STK33: variants seen among roughly 807,000 people sequenced by gnomAD.
STK33 encodes serine/threonine-protein kinase 33.
In STK33, 52 loss-of-function variants were observed where a neutral mutation model predicts 58.0. That is an observed-to-expected ratio of 0.90 (90% CI 0.72 to 1.13). The LOEUF is 1.13. Ranked by LOEUF, STK33 falls within the 50% of genes most tolerant of loss-of-function variation. The probability of loss-of-function intolerance (pLI) is 0.00; values close to 1 mark genes in which losing one functional copy is unlikely to be tolerated. For synonymous variants in STK33, 215 were observed against 200.1 expected, an observed-to-expected ratio of 1.07 and a Z score of -0.63; for missense variants, 630 against 604.2, an observed-to-expected ratio of 1.04 and a Z score of -0.45.
At chr11:8,545,906 T>C (rs1192244079) in intron 1 of STK33, among the ~76,000 whole-genome samples, 1 of 152,212 alleles carries the variant, frequency 6.6e-6, no homozygotes, top group Non-Finnish European at 1.5e-5. Context: ...TAGAGTGCGC[T>C]TACACAAACC....
At chr11:8,350,916 A>T in the STK33 span, among the ~76,000 whole-genome samples, 102 of 152,280 alleles carry the variant, frequency 6.7e-4, no homozygotes, top group African/African-American at 2.3e-3. Flanking sequence ...ACCTTGCTGC[A>T]GAAAACGGTT....
chr11:8,473,335 C>T (rs968039996), intron 5 of STK33, 59 bp from the exon 6 acceptor site: 43 of 1,002,858 alleles, frequency 4.3e-5, no homozygotes, highest in Non-Finnish European at 6.1e-5. Flanking sequence ...TCTTTGTTGA[C>T]AAAGAATCCT....
Position 8,464,822 on chromosome 11 carries a change from C to T in STK33, c.340G>A (p.Glu114Lys). The change falls in exon 7 of 16, where the codon GAA becomes AAA. Residue 114 changes from glutamate to lysine, a missense_variant and splice_region_variant. By Grantham distance (56) the Glu-to-Lys change is moderately conservative. Coordinates refer to ENST00000687296, the MANE Select transcript of STK33 (RefSeq NM_001352389.2). The part of the protein sequence containing the change: ...IRIENGAAIE[E>K]IYTFGRILGK... ...AATATTCTTCCAAAGGTATAGATTT[C>T]CTGGAGAAAAAAAAAAAAAGAGTTG... 6.4e-7 allele frequency: 1 copy of T among 1,572,202 alleles called. No homozygotes were observed. Among genetic ancestry groups the T allele is most frequent in the Non-Finnish European group, 8.7e-7 (1 of 1,154,378 alleles).
the STK33 span, among the ~76,000 whole-genome samples, chr11:8,351,945 G>A: frequency 3.3e-5 from 5 of 152,206 alleles, no homozygotes; most frequent in Non-Finnish European, 7.3e-5. Flanking sequence ...AATCCTCAGC[G>A]GCGCTCACGG....
intron 1 of STK33, among the ~76,000 whole-genome samples, chr11:8,564,537 T>C (rs771363067): frequency 1.4e-4 from 22 of 152,196 alleles, no homozygotes; most frequent in Non-Finnish European, 2.6e-4. Context: ...TCCATTTGCT[T>C]GCCCTTGTAT....
chr11:8,509,046 G>A (rs186785521), intron 1 of STK33, among the ~76,000 whole-genome samples: 2 of 151,380 alleles, frequency 1.3e-5, no homozygotes, highest in Non-Finnish European at 2.9e-5. Flanking sequence ...AGCCCAGGAG[G>A]CGGAGGTTTT....
At chr11:8,353,908 G>T in the STK33 span, among the ~76,000 whole-genome samples, 9 of 152,216 alleles carry the variant, frequency 5.9e-5, no homozygotes, top group Non-Finnish European at 8.8e-5. Context: ...CCCAGGGTGG[G>T]ATGAAGGTCT....
intron 14 of STK33, among the ~76,000 whole-genome samples, chr11:8,422,427 T>C (rs1942057919): frequency 2.0e-5 from 3 of 152,174 alleles, no homozygotes; most frequent in Admixed American, 2.0e-4. Flanking sequence ...TTTGTCACAA[T>C]GTCGTGGTAT....
chr11:8,376,672 G>C, the STK33 span, among the ~76,000 whole-genome samples: 1 of 152,012 alleles, frequency 6.6e-6, no homozygotes, highest in African/African-American at 2.4e-5. Context: ...CTCCTGAGTA[G>C]CTGGGACTAC....
At chr11:8,491,338 G>T (rs1325571336) in intron 1 of STK33, among the ~76,000 whole-genome samples, 1 of 152,162 alleles carries the variant, frequency 6.6e-6, no homozygotes, top group Non-Finnish European at 1.5e-5. Flanking sequence ...GGAAGAAAGG[G>T]TATCAGTGAC....
chr11:8,497,471 T>C (rs1472641050), intron 1 of STK33, among the ~76,000 whole-genome samples: 2 of 152,128 alleles, frequency 1.3e-5, no homozygotes, highest in African/African-American at 4.8e-5. Flanking sequence ...TCAAAGTTCT[T>C]TCTTTTTCTT....
chr11:8,500,366 A>G (rs944862754), intron 1 of STK33, among the ~76,000 whole-genome samples: 1 of 152,086 alleles, frequency 6.6e-6, no homozygotes, highest in Non-Finnish European at 1.5e-5. Flanking sequence ...ACACCAGCTA[A>G]TAAGTGAGTT....
intron 15 of STK33, among the ~76,000 whole-genome samples, chr11:8,397,068 C>A (rs1849485377): frequency 6.6e-6 from 1 of 152,220 alleles, no homozygotes; most frequent in African/African-American, 2.4e-5. Flanking sequence ...GCAGCAGAAT[C>A]CTCTGCAGAC....
At chr11:8,461,556 T>C (rs1409929738) in intron 8 of STK33, among the ~76,000 whole-genome samples, 8 of 152,180 alleles carry the variant, frequency 5.3e-5, no homozygotes, top group Non-Finnish European at 1.2e-4. Flanking sequence ...ATGAAGTTGT[T>C]GTAATTTTAA....
downstream of STK33, among the ~76,000 whole-genome samples, chr11:8,390,943 G>C (rs1309814250): frequency 2.0e-5 from 3 of 152,186 alleles, no homozygotes; most frequent in Non-Finnish European, 4.4e-5. Flanking sequence ...TCATTTTCAA[G>C]CCCAGGGAAT....
At chr11:8,379,877 G>A in the STK33 span, among the ~76,000 whole-genome samples, 3 of 152,154 alleles carry the variant, frequency 2.0e-5, no homozygotes, top group Non-Finnish European at 2.9e-5. Flanking sequence ...AGGACATGTG[G>A]TATTTGGTTT....
chr11:8,385,991 G>C, the STK33 span, among the ~76,000 whole-genome samples: 1 of 146,318 alleles, frequency 6.8e-6, no homozygotes. Flanking sequence ...AGCCAGGATG[G>C]TCTCGATCTC....
intron 7 of STK33, among the ~76,000 whole-genome samples, chr11:8,463,462 G>A (rs1486508543): frequency 6.6e-6 from 1 of 152,170 alleles, no homozygotes; most frequent in Non-Finnish European, 1.5e-5. Context: ...CTCCTGGTGT[G>A]CAGCCTGGTT....
At chr11:8,447,745 C>T (rs1473897240) in intron 11 of STK33, among the ~76,000 whole-genome samples, 1 of 152,176 alleles carries the variant, frequency 6.6e-6, no homozygotes, top group Non-Finnish European at 1.5e-5. Flanking sequence ...GATGCCCTCT[C>T]TCACCATTCC....
Sources: gnomAD v4.1 joint callset for allele counts (sites outside exome capture counted in the v4.1 genomes callset) on GRCh38, gnomAD v4.1.1 for gene constraint, MANE v1.5 for transcripts, NCBI Gene and HGNC (gene_info 2026-07-23, HGNC 2026-07-21) for gene names.